Variants in RAPGEF2 observed in about 807,000 individuals in gnomAD.
RAPGEF2 encodes the protein Rap guanine nucleotide exchange factor 2, also known as PDZ domain containing guanine nucleotide exchange factor (GEF) 1.
A neutral mutation model predicts 186.7 loss-of-function variants in RAPGEF2; 54 were observed. The ratio of observed to expected loss-of-function variants is 0.29; its 90% CI spans 0.23 to 0.36. The LOEUF (loss-of-function observed/expected upper bound fraction) is 0.36. RAPGEF2 is among the 10% of genes least tolerant of loss of function. The pLI, the probability that RAPGEF2 is intolerant of heterozygous loss-of-function variation, is 1.00. For synonymous variants in RAPGEF2, 712 were observed against 705.9 expected (o/e 1.01, Z -0.14); for missense variants, 1,532 against 2,045.0 (o/e 0.75, Z 4.84).
At chr4:159,348,058 G>A (rs1457858100) in intron 25 of RAPGEF2, among the ~76,000 whole-genome samples, 2 of 151,832 alleles carry the variant, frequency 1.3e-5, no homozygotes, top group Non-Finnish European at 2.9e-5. Flanking sequence ...CCATCTTTAC[G>A]AAAAATACAA....
At chr4:159,198,937 G>A (rs553652315) in intron 3 of RAPGEF2, among the ~76,000 whole-genome samples, 7 of 151,488 alleles carry the variant, frequency 4.6e-5, no homozygotes, top group Non-Finnish European at 7.4e-5. Flanking sequence ...AAAATTAGGC[G>A]TGGTGGCATG....
At position 159,346,876 on chromosome 4, in the gene RAPGEF2, C is replaced by T. The variant is rs753712552; in HGVS notation, c.3590C>T (p.Ser1197Phe). The part of the protein sequence containing the change: ...PRAGSQQKAQ[S>F]LPQPQQQPPP... The stretch of plus-strand genomic sequence containing the variant: ...GCAGGGTCACAACAGAAAGCTCAGT[C>T]CCTGCCACAGCCCCAGCAGCAGCCA... The change falls in exon 25 of 30, where the codon TCC becomes TTC. Residue 1197 changes from serine to phenylalanine, a missense_variant. Around this residue, in one of 4 missense-constraint regions of RAPGEF2, gnomAD observed 594 missense variants for 608.5 expected, o/e 0.98. Transcript: ENST00000691494. The T allele has an allele frequency of 6.2e-7, 1 of 1,614,174 alleles. No homozygotes were observed. Among genetic ancestry groups the T allele is most frequent in the East Asian group, 2.2e-5 (1 of 44,882 alleles).
At chr4:159,245,364 G>A (rs1754511770) in intron 7 of RAPGEF2, among the ~76,000 whole-genome samples, 1 of 151,908 alleles carries the variant, frequency 6.6e-6, no homozygotes, top group South Asian at 2.1e-4. Flanking sequence ...AGAGATTGAG[G>A]CCGTATTTCA....
chr4:159,209,992 G>A (rs1750363584), intron 3 of RAPGEF2, among the ~76,000 whole-genome samples: 1 of 152,186 alleles, frequency 6.6e-6, no homozygotes. Flanking sequence ...AAAGAACTGT[G>A]TAGAGTGTGC....
intron 19 of RAPGEF2, among the ~76,000 whole-genome samples, chr4:159,340,796 CA>C: frequency 6.6e-6 from 1 of 151,742 alleles, no homozygotes; most frequent in Admixed American, 6.6e-5. Flanking sequence ...CACACACACA[CA>C]CACACACACA....
rs1732342447 is a variant in RAPGEF2 at position 159,358,328 on chromosome 4, A to G, written c.*189A>G. The G allele has an allele frequency of 1.7e-6, 1 of 578,854 alleles. No individual in the cohort carries two copies. The highest frequency in any genetic ancestry group is 3.0e-6 in the Non-Finnish European group (1 of 330,288). 35.9% of individuals were successfully genotyped at this position (578,854 alleles called of 1,614,324 possible). A position where few individuals can be genotyped will look rare whatever the true frequency, so the allele number is the denominator to read the frequency against. On this transcript the variant is annotated 3_prime_UTR_variant, in exon 30 of 30. Coordinates refer to ENST00000691494, the MANE Select transcript of RAPGEF2 (RefSeq NM_001394067.2). ...CCCCTTTGCATGTGAAATACTGTGA[A>G]GAAATTGCCCTGGCACTTTTCAGAC...
At position 159,281,593 on chromosome 4, in the gene RAPGEF2, C is replaced by T. The variant is rs559592730; in HGVS notation, c.544-22749C>T. Among the ~76,000 whole-genome samples the T allele has an allele frequency of 3.3e-5, 5 of 150,196 alleles. No individual in the cohort carries two copies. The East Asian group carries it at 7.8e-4, about 24-fold the overall frequency. On this transcript the variant is annotated intron_variant, in intron 7 of 29. Coordinates refer to ENST00000691494, the MANE Select transcript of RAPGEF2 (RefSeq NM_001394067.2). ...GGCTGAGGCAGGAGAATCGCTTGAA[C>T]CCAGGAGGCGGAGGTTGCAATGAGC...
chr4:159,322,905 G>C (rs540985514), intron 10 of RAPGEF2, among the ~76,000 whole-genome samples: 25 of 152,222 alleles, frequency 1.6e-4, no homozygotes, highest in South Asian at 1.2e-3. Flanking sequence ...CAAATTATCT[G>C]CCACCAGATC....
At chr4:159,167,124 A>T (rs1745405520) in intron 1 of RAPGEF2, among the ~76,000 whole-genome samples, 1 of 152,244 alleles carries the variant, frequency 6.6e-6, no homozygotes, top group African/African-American at 2.4e-5. Context: ...GATTAAAAAA[A>T]ACCACGACTC....
chr4:159,119,107 G>A (rs1739380801), intron 1 of RAPGEF2, among the ~76,000 whole-genome samples: 1 of 152,152 alleles, frequency 6.6e-6, no homozygotes, highest in Non-Finnish European at 1.5e-5. Flanking sequence ...AGGTTGCCAA[G>A]AACTGCAGAT....
intron 19 of RAPGEF2, among the ~76,000 whole-genome samples, chr4:159,340,927 G>C (rs564175888): frequency 6.6e-6 from 1 of 152,268 alleles, no homozygotes; most frequent in East Asian, 1.9e-4. Context: ...CAACCTTTAG[G>C]AGCCTGTTTC....
At chr4:159,122,300 G>A (rs1050914081) in intron 1 of RAPGEF2, among the ~76,000 whole-genome samples, 4 of 151,922 alleles carry the variant, frequency 2.6e-5, no homozygotes, top group Admixed American at 2.0e-4. Flanking sequence ...CCAACATGGT[G>A]AAACCCCATC....
chr4:159,285,618 A>G (rs1048786795), intron 7 of RAPGEF2, among the ~76,000 whole-genome samples: 3 of 152,244 alleles, frequency 2.0e-5, no homozygotes, highest in African/African-American at 7.2e-5. Flanking sequence ...ACTTTAAAAT[A>G]TAAATGAATT....
At chr4:159,128,453 C>T (rs1246413405) in intron 1 of RAPGEF2, among the ~76,000 whole-genome samples, 1 of 152,048 alleles carries the variant, frequency 6.6e-6, no homozygotes. Flanking sequence ...ATTACTATTG[C>T]TGACATAATA....
chr4:159,294,146 G>A (rs1761607505), intron 7 of RAPGEF2, among the ~76,000 whole-genome samples: 1 of 152,124 alleles, frequency 6.6e-6, no homozygotes, highest in African/African-American at 2.4e-5. Flanking sequence ...ATTAATTATG[G>A]GTTAATGTTT....
chr4:159,142,012 C>T (rs1422642516), intron 1 of RAPGEF2, among the ~76,000 whole-genome samples: 1 of 152,102 alleles, frequency 6.6e-6, no homozygotes, highest in Non-Finnish European at 1.5e-5. Flanking sequence ...AAGCAAATTC[C>T]CCTGTACCTT....
intron 7 of RAPGEF2, among the ~76,000 whole-genome samples, chr4:159,275,992 A>G (rs928993003): frequency 3.9e-5 from 6 of 152,162 alleles, no homozygotes; most frequent in African/African-American, 1.4e-4. Flanking sequence ...TATAATTTTT[A>G]TGGGTACTAT....
At chr4:159,276,978 GT>G (rs1336268709) in intron 7 of RAPGEF2, among the ~76,000 whole-genome samples, 1 of 152,052 alleles carries the variant, frequency 6.6e-6, no homozygotes, top group Non-Finnish European at 1.5e-5. Context: ...CAACGTGCAG[GT>G]TTGTTACATA....
intron 7 of RAPGEF2, among the ~76,000 whole-genome samples, chr4:159,259,326 G>T (rs944050891): frequency 2.0e-5 from 3 of 152,114 alleles, no homozygotes; most frequent in Admixed American, 2.0e-4. Context: ...AAAGAGACTG[G>T]GGCATAGAAT....
Sources: allele counts gnomAD v4.1 joint callset (sites outside exome capture counted in the v4.1 genomes callset), GRCh38; gene constraint gnomAD v4.1.1; regional missense constraint gnomAD v4.1.1; transcripts MANE v1.5; gene names NCBI Gene and HGNC (gene_info 2026-07-23, HGNC 2026-07-21).